SCNN1B: variants seen among roughly 807,000 people sequenced by gnomAD.
SCNN1B encodes sodium channel epithelial 1 subunit beta, also known as epithelial sodium channel subunit beta.
SCNN1B carries 46 observed loss-of-function variants against 65.3 expected under a neutral mutation model. That is an observed-to-expected ratio of 0.70 (90% confidence interval 0.56 to 0.90). The LOEUF (loss-of-function observed/expected upper bound fraction) is 0.90. Ranked by LOEUF, SCNN1B falls within the 40% of genes least tolerant of loss-of-function variation. SCNN1B has a pLI of 0.00. For synonymous variants in SCNN1B, 349 were observed against 330.6 expected, an observed-to-expected ratio of 1.06 and a Z score of -0.60; for missense variants, 751 against 830.5, an observed-to-expected ratio of 0.90 and a Z score of 1.18.
At chr16:23,355,525 G>A (rs1339635176) in intron 4 of SCNN1B, 36 bp downstream of exon 4, 1 of 1,605,662 alleles carries the variant, frequency 6.2e-7, no homozygotes, top group Non-Finnish European at 8.5e-7. Context: ...GCCAGGCCCT[G>A]GCACCGAGAG....
At chr16:23,289,364 G>T (rs1596807506) in intron 2 of SCNN1B, among the ~76,000 whole-genome samples, 1 of 152,272 alleles carries the variant, frequency 6.6e-6, no homozygotes, top group East Asian at 1.9e-4. Flanking sequence ...AGACCAGCCT[G>T]GGCAATGTAG....
intron 1 of SCNN1B, among the ~76,000 whole-genome samples, chr16:23,327,398 T>C (rs1961718724): frequency 6.6e-6 from 1 of 151,946 alleles, no homozygotes. Context: ...CCAGGCATGG[T>C]GGTGCACGCC....
intron 1 of SCNN1B, among the ~76,000 whole-genome samples, chr16:23,306,241 C>CA (rs528596295): frequency 0.02 from 2,065 of 105,536 alleles, 12 homozygotes; most frequent in African/African-American, 0.031. Flanking sequence ...GAAACTCTGT[C>CA]AAAAAAAAAA....
chr16:23,379,991 T>G (rs1267223466), intron 11 of SCNN1B, 103 bp from the exon 12 acceptor site: 1 of 872,642 alleles, frequency 1.1e-6, no homozygotes, highest in Non-Finnish European at 2.0e-6. Flanking sequence ...CATGTGGGTG[T>G]GTGCACGTGC....
intron 1 of SCNN1B, among the ~76,000 whole-genome samples, chr16:23,315,351 T>G (rs1416279793): frequency 6.7e-6 from 1 of 150,268 alleles, no homozygotes; most frequent in Non-Finnish European, 1.5e-5. Flanking sequence ...AAAAAAAAAG[T>G]CACCATTCTT....
chr16:23,333,217 G>GAAAA (rs533739310), intron 1 of SCNN1B, among the ~76,000 whole-genome samples: 2 of 150,128 alleles, frequency 1.3e-5, no homozygotes, highest in Non-Finnish European at 3.0e-5. Context: ...AAGGAAGAAA[G>GAAAA]AAAAAAGGCC....
chr16:23,345,842 G>A (rs1962174446), intron 1 of SCNN1B, among the ~76,000 whole-genome samples: 1 of 152,198 alleles, frequency 6.6e-6, no homozygotes, highest in Non-Finnish European at 1.5e-5. Flanking sequence ...TCTCAGAGGG[G>A]GTGAGGGTCC....
At chr16:23,319,385 T>G (rs1441497593) in intron 1 of SCNN1B, among the ~76,000 whole-genome samples, 2 of 152,168 alleles carry the variant, frequency 1.3e-5, no homozygotes, top group South Asian at 4.1e-4. Context: ...TCCTCCAGCC[T>G]GGCAGTCTGC....
chr16:23,360,209 TAAATAAATAAATAAATAAAC>T (rs970771869), intron 4 of SCNN1B, among the ~76,000 whole-genome samples: 1 of 149,800 alleles, frequency 6.7e-6, no homozygotes, highest in Non-Finnish European at 1.5e-5. Flanking sequence ...AAAAAATAAA[TAAATAAATAAATAAATAAAC>T]AAATAAATAA....
intron 7 of SCNN1B, chr16:23,372,173 A>T (rs1962799211): frequency 2.0e-6 from 1 of 493,510 alleles, no homozygotes; most frequent in Non-Finnish European, 3.7e-6. Flanking sequence ...AAAAAATAGC[A>T]GCTAACACCA....
At chr16:23,292,912 C>T (rs1413190682) in intron 2 of SCNN1B, among the ~76,000 whole-genome samples, 2 of 150,726 alleles carry the variant, frequency 1.3e-5, no homozygotes, top group Non-Finnish European at 3.0e-5. Context: ...GTCAGGAGTT[C>T]GAGACCAGCC....
chr16:23,295,482 T>G (rs1217968947), intron 2 of SCNN1B, among the ~76,000 whole-genome samples: 5 of 152,134 alleles, frequency 3.3e-5, no homozygotes, highest in Non-Finnish European at 7.3e-5. Context: ...CCCAAGTAGC[T>G]GGGACTACAG....
At position 23,380,130 on chromosome 16, in the gene SCNN1B, A is replaced by C; in HGVS notation, c.1503A>C (p.Glu501Asp). Reference sequence around the variant, plus strand: ...TCAAGCTCAACATCTACTTCCAAGAATTTAACTATCGCACCATTGAAGAAT... The same window carrying C: ...TCAAGCTCAACATCTACTTCCAAGACTTTAACTATCGCACCATTGAAGAAT... ...GIVKLNIYFQEFNYRTIEESA... is the reference protein window; with the variant it reads ...GIVKLNIYFQDFNYRTIEESA... Residue 501 changes from glutamate (E) to aspartate (D), a missense_variant, in exon 12 of 13, where the codon GAA (glutamate) becomes GAC (aspartate). Coordinates refer to ENST00000343070, the MANE Select transcript of SCNN1B (RefSeq NM_000336.3). This position sits in a 1 kb window ranked among gnomAD's most constrained non-coding sequence, Gnocchi z 5.4. 6.2e-7 allele frequency: 1 copy of C among 1,614,094 alleles called. No individual in the cohort carries two copies. The highest frequency in any genetic ancestry group is 8.5e-7 in the Non-Finnish European group (1 of 1,180,014).
At chr16:23,305,578 TATA>T (rs1567290500) in intron 1 of SCNN1B, among the ~76,000 whole-genome samples, 2 of 22,916 alleles carry the variant, frequency 8.7e-5, no homozygotes, top group African/African-American at 2.1e-4. Context: ...ATATATATAT[TATA>T]TATATATATA....
chr16:23,375,624 C>G (rs1345748943), intron 7 of SCNN1B, 114 bp from the exon 8 acceptor site: 1 of 808,132 alleles, frequency 1.2e-6, no homozygotes, highest in African/African-American at 1.7e-5. Flanking sequence ...CCTCCACCAG[C>G]TCACCTACCT....
At position 23,341,292 on chromosome 16, in the gene SCNN1B, A is replaced by G. The variant is rs533230437; in HGVS notation, c.-8-7300A>G. Among the ~76,000 whole-genome samples, 297 of 152,352 alleles carry G rather than the reference A, an allele frequency of 1.9e-3. 1 individual carries two copies. The highest frequency in any genetic ancestry group is 0.014 in the Middle Eastern group (4 of 292). On this transcript the variant is annotated intron_variant, in intron 1 of 12. Transcript: ENST00000343070. ...AAGTTGGATTCCTATCTCACACTAT[A>G]TATGTAAATTAATTCAAAATGAATC...
intron 1 of SCNN1B, among the ~76,000 whole-genome samples, chr16:23,327,997 A>G (rs555215285): frequency 6.6e-6 from 1 of 152,234 alleles, no homozygotes; most frequent in Non-Finnish European, 1.5e-5. Flanking sequence ...TAGAGCCAGC[A>G]GTGGAGAAAC....
At chr16:23,304,475 C>G (rs879460960) in intron 1 of SCNN1B, among the ~76,000 whole-genome samples, 9 of 152,358 alleles carry the variant, frequency 5.9e-5, no homozygotes, top group Non-Finnish European at 8.8e-5. Flanking sequence ...AGCCAGGCCA[C>G]TAGTTCTGCC....
intron 1 of SCNN1B, among the ~76,000 whole-genome samples, chr16:23,304,921 T>G (rs930299701): frequency 6.6e-6 from 1 of 152,096 alleles, no homozygotes; most frequent in African/African-American, 2.4e-5. Flanking sequence ...ATAAAATGCT[T>G]AGGGACTCAT....
Sources: gnomAD v4.1 joint callset for allele counts (sites outside exome capture counted in the v4.1 genomes callset) on GRCh38, gnomAD v4.1.1 for gene constraint, Gnocchi (gnomAD v3.1) non-coding constraint, MANE v1.5 for transcripts, NCBI Gene and HGNC (gene_info 2026-07-23, HGNC 2026-07-21) for gene names.